Variants in IQSEC1 observed in about 807,000 individuals in gnomAD.
The protein encoded by IQSEC1 is IQ motif and SEC7 domain-containing protein 1.
A neutral mutation model predicts 91.0 loss-of-function variants in IQSEC1; 31 were observed. The ratio of observed to expected loss-of-function variants is 0.34; its 90% CI spans 0.26 to 0.46. The LOEUF (loss-of-function observed/expected upper bound fraction) is 0.46. IQSEC1 is among the 20% of genes least tolerant of loss of function. IQSEC1 has a pLI of 1.00. For missense variants in IQSEC1, 1,388 were observed against 1,575.6 expected (o/e 0.88, Z 2.02); for synonymous variants, 699 against 662.6 (o/e 1.05, Z -0.84).
upstream of IQSEC1, among the ~76,000 whole-genome samples, chr3:13,077,689 G>A (rs902405752): frequency 1.3e-5 from 2 of 152,202 alleles, no homozygotes; most frequent in African/African-American, 4.8e-5. Flanking sequence ...CTCACGTGCA[G>A]GTGGCTGACG....
chr3:12,934,283 G>A (rs931138741), intron 3 of IQSEC1, among the ~76,000 whole-genome samples: 1 of 152,204 alleles, frequency 6.6e-6, no homozygotes, highest in South Asian at 2.1e-4. Flanking sequence ...GTAAGCCATT[G>A]CCCCTTACTG....
intron 1 of IQSEC1, among the ~76,000 whole-genome samples, chr3:12,961,747 G>A (rs1311893527): frequency 6.6e-6 from 1 of 152,242 alleles, no homozygotes; most frequent in Non-Finnish European, 1.5e-5. Flanking sequence ...AGGATGCCAT[G>A]TTTCTGGTGC....
intron 1 of IQSEC1, among the ~76,000 whole-genome samples, chr3:13,043,592 A>G (rs559915424): frequency 2.6e-5 from 4 of 152,014 alleles, no homozygotes; most frequent in East Asian, 1.9e-4. Context: ...GATTCTTTCC[A>G]TGGGACATCC....
chr3:13,236,051 A>C lies in IQSEC1; in HGVS notation c.272+46660T>G, dbSNP rs145584971. On this transcript the variant is annotated intron_variant, in intron 1 of 15. Transcript: ENST00000648114. ...AATGGATCTTGCCCCATGGGGCCTTACGAGATAGATGTATGAATGCCGGGC... is the reference window on the plus strand; with the variant it reads ...AATGGATCTTGCCCCATGGGGCCTTCCGAGATAGATGTATGAATGCCGGGC... Among the ~76,000 whole-genome samples, 295 of 152,212 alleles carry C rather than the reference A, an allele frequency of 1.9e-3. 2 individuals carry two copies. The highest frequency in any genetic ancestry group is 6.7e-3 in the African/African-American group (277 of 41,524).
intron 1 of IQSEC1, among the ~76,000 whole-genome samples, chr3:13,281,487 G>A (rs1695788847): frequency 1.3e-5 from 2 of 151,882 alleles, no homozygotes; most frequent in East Asian, 1.9e-4. Context: ...CCCACAGCCC[G>A]ACCCCATCCT....
intron 13 of IQSEC1, among the ~76,000 whole-genome samples, chr3:12,901,987 T>C (rs1156336232): frequency 6.6e-6 from 1 of 151,706 alleles, no homozygotes; most frequent in Non-Finnish European, 1.5e-5. Flanking sequence ...GCTGAGGGCA[T>C]GTGCTCCGCC....
chr3:13,107,796 C>A (rs1706175881), intron 2 of IQSEC1, among the ~76,000 whole-genome samples: 2 of 152,228 alleles, frequency 1.3e-5, no homozygotes, highest in Non-Finnish European at 2.9e-5. Flanking sequence ...TGGGCACAGA[C>A]ACGGTGATGC....
At chr3:13,252,418 C>G (rs181881471) in intron 1 of IQSEC1, among the ~76,000 whole-genome samples, 185 of 152,332 alleles carry the variant, frequency 1.2e-3, no homozygotes, top group African/African-American at 4.2e-3. Flanking sequence ...TGTGCATAGA[C>G]CACAGTTTGT....
chr3:13,266,949 G>A (rs1223472021), intron 1 of IQSEC1, among the ~76,000 whole-genome samples: 1 of 149,214 alleles, frequency 6.7e-6, no homozygotes, highest in African/African-American at 2.5e-5. Context: ...ACCCCTGGCT[G>A]CACCCCTAAC....
intron 1 of IQSEC1, among the ~76,000 whole-genome samples, chr3:13,010,692 CT>C (rs549981387): frequency 2.0e-5 from 3 of 152,058 alleles, no homozygotes; most frequent in Non-Finnish European, 4.4e-5. Flanking sequence ...TGGGGTGCCT[CT>C]TTTTTTTAAT....
intron 1 of IQSEC1, among the ~76,000 whole-genome samples, chr3:13,170,560 G>T (rs1693587219): frequency 6.6e-6 from 1 of 152,212 alleles, no homozygotes. Flanking sequence ...GCAGCCGGGA[G>T]GGAGGCTGTA....
chr3:13,058,466 G>C (rs1704953504), intron 1 of IQSEC1, among the ~76,000 whole-genome samples: 1 of 152,196 alleles, frequency 6.6e-6, no homozygotes, highest in South Asian at 2.1e-4. Flanking sequence ...GGCAGGGGTT[G>C]TTATCTTTCC....
intron 1 of IQSEC1, chr3:12,987,037 C>T: frequency 6.8e-6 from 3 of 441,368 alleles, no homozygotes; most frequent in Non-Finnish European, 1.4e-5. Context: ...GCTTCTCAGG[C>T]CTCCTCTGCT....
intron 1 of IQSEC1, among the ~76,000 whole-genome samples, chr3:13,224,368 T>C (rs1694716508): frequency 6.6e-6 from 1 of 151,932 alleles, no homozygotes; most frequent in South Asian, 2.1e-4. Flanking sequence ...GACTTCTGCC[T>C]TGGGGATCAA....
rs1349760457 is a variant in IQSEC1, at chr3:13,193,522, G to T, written c.273-29389C>A. On this transcript the variant is annotated intron_variant, in intron 1 of 15. Coordinates refer to the IQSEC1 transcript ENST00000648114. This position sits in a 1 kb window ranked among gnomAD's most constrained non-coding sequence, Gnocchi z 4.2. ...ACTGGGAACAAGGCACAGAGGGGAC[G>T]AAGAGGAGTGCCAGCCCAGGCCGCC... is the stretch of plus-strand genomic sequence containing the variant. 6.6e-6 allele frequency among the ~76,000 whole-genome samples: 1 copy of T among 152,156 alleles called. No homozygotes were observed. The highest frequency in any genetic ancestry group is 1.5e-5 in the Non-Finnish European group (1 of 68,032).
Position 12,987,789 on chromosome 3 carries a change from G to A in IQSEC1, c.24-45924C>T, listed in dbSNP as rs963357705. 9.9e-5 allele frequency among the ~76,000 whole-genome samples: 15 copies of A among 152,280 alleles called. No homozygotes were observed. In the East Asian group the frequency reaches 1.9e-3, roughly 20 times the overall value. On this transcript the variant is annotated intron_variant, in intron 1 of 13. Coordinates refer to ENST00000613206, the MANE Select transcript of IQSEC1 (RefSeq NM_001134382.3). ...CAAGATGGGTGAAAGGCATGAACAG[G>A]CACTCCACCAATGATGAAATCCAAA...
chr3:12,923,079 ACAGCCTTGGAGGTGACTTCGGAGCAG>A (rs1214493688), intron 4 of IQSEC1, among the ~76,000 whole-genome samples: 5 of 152,046 alleles, frequency 3.3e-5, no homozygotes, highest in Non-Finnish European at 7.4e-5. Context: ...TCCTGGGGCA[ACAGCCTTGGAGGTGACTTCGGAGCAG>A]TGGGGAGAGG....
chr3:12,901,019 G>A lies in IQSEC1; in HGVS notation c.3309C>T (p.Ser1103=). 1.3e-6 allele frequency: 2 copies of A among 1,544,920 alleles called. No individual in the cohort carries two copies. The highest frequency in any genetic ancestry group is 1.7e-6 in the Non-Finnish European group (2 of 1,146,774). The change falls in exon 14 of 14, where the codon AGC becomes AGT. Residue 1103 remains serine (S), a synonymous_variant. Coordinates refer to ENST00000613206, the MANE Select transcript of IQSEC1 (RefSeq NM_001134382.3). ...QPPAPPPPTS[S]KAKPSGISTI... ...TGCTGATGCCGCTGGGTTTGGCCTTGCTGCTGGTGGGGGGCGGCGGGGCAG... is the reference window on the plus strand; with the variant it reads ...TGCTGATGCCGCTGGGTTTGGCCTTACTGCTGGTGGGGGGCGGCGGGGCAG...
intron 1 of IQSEC1, among the ~76,000 whole-genome samples, chr3:12,989,787 G>A (rs977337670): frequency 2.3e-4 from 35 of 152,176 alleles, no homozygotes; most frequent in Non-Finnish European, 3.2e-4. Context: ...CAAACTCGCA[G>A]CCCCCAGTAA....
Sources: gnomAD v4.1 joint callset for allele counts (sites outside exome capture counted in the v4.1 genomes callset) on GRCh38, gnomAD v4.1.1 for gene constraint, Gnocchi (gnomAD v3.1) non-coding constraint, MANE v1.5 for transcripts, NCBI Gene and HGNC (gene_info 2026-07-23, HGNC 2026-07-21) for gene names.